PLEKHA7: variants seen among roughly 807,000 people sequenced by gnomAD.
The protein encoded by PLEKHA7 is pleckstrin homology domain containing A7, also known as pleckstrin homology domain-containing family A member 7.
A neutral mutation model predicts 170.0 loss-of-function variants in PLEKHA7; 104 were observed. The ratio of observed to expected loss-of-function variants is 0.61; its 90% CI spans 0.52 to 0.72. PLEKHA7 has a LOEUF of 0.72. PLEKHA7 is among the 30% of genes least tolerant of loss of function. The pLI is 0.00. For missense variants in PLEKHA7, 1,615 were observed against 1,671.7 expected, an observed-to-expected ratio of 0.97 and a Z score of 0.59; for synonymous variants, 648 against 660.8, an observed-to-expected ratio of 0.98 and a Z score of 0.30.
chr11:16,950,942 T>C (rs745799809), intron 3 of PLEKHA7, among the ~76,000 whole-genome samples: 5 of 152,208 alleles, frequency 3.3e-5, no homozygotes, highest in Non-Finnish European at 7.3e-5. Context: ...TTGGCATTCA[T>C]TGCACTGTGT....
At chr11:16,935,644 T>C (rs1860236842) in intron 3 of PLEKHA7, among the ~76,000 whole-genome samples, 1 of 152,208 alleles carries the variant, frequency 6.6e-6, no homozygotes, top group Non-Finnish European at 1.5e-5. Flanking sequence ...GGGCCAAAGA[T>C]AGAACTGAAA....
chr11:16,923,309 TCA>T (rs923174035), intron 3 of PLEKHA7, among the ~76,000 whole-genome samples: 16 of 152,218 alleles, frequency 1.1e-4, no homozygotes, highest in African/African-American at 3.9e-4. Context: ...AATCCTCAAC[TCA>T]CAGAGTACCA....
intron 3 of PLEKHA7, among the ~76,000 whole-genome samples, chr11:16,959,190 T>C (rs1478665205): frequency 6.6e-6 from 1 of 150,956 alleles, no homozygotes; most frequent in African/African-American, 2.4e-5. Context: ...ACCCAGGTAT[T>C]AGGCCCAGGA....
intron 10 of PLEKHA7, among the ~76,000 whole-genome samples, chr11:16,823,066 C>G (rs1850369790): frequency 6.6e-6 from 1 of 152,094 alleles, no homozygotes; most frequent in African/African-American, 2.4e-5. Context: ...ACAATCATAA[C>G]TCATTGCAGC....
intron 3 of PLEKHA7, among the ~76,000 whole-genome samples, chr11:16,906,495 AT>A (rs1215419521): frequency 7.2e-6 from 1 of 139,620 alleles, no homozygotes; most frequent in Non-Finnish European, 1.5e-5. Context: ...TGGTTTTCGT[AT>A]TTTTTTGGTG....
chr11:16,962,141 C>T (rs1169596010), intron 3 of PLEKHA7, among the ~76,000 whole-genome samples: 1 of 152,208 alleles, frequency 6.6e-6, no homozygotes, highest in African/African-American at 2.4e-5. Context: ...GTGGCTTTGG[C>T]AGAAATGACT....
At chr11:16,923,389 T>G (rs914356246) in intron 3 of PLEKHA7, among the ~76,000 whole-genome samples, 5 of 152,162 alleles carry the variant, frequency 3.3e-5, no homozygotes, top group Admixed American at 1.3e-4. Context: ...AGGGGAGGGC[T>G]GCCATGGAGT....
intron 17 of PLEKHA7, among the ~76,000 whole-genome samples, chr11:16,799,972 A>G (rs1273939327): frequency 6.6e-6 from 1 of 152,156 alleles, no homozygotes; most frequent in African/African-American, 2.4e-5. Context: ...CCTACTCCAG[A>G]ATTTCCTTCA....
At chr11:16,800,655 G>A (rs1306657795) in intron 17 of PLEKHA7, among the ~76,000 whole-genome samples, 1 of 152,206 alleles carries the variant, frequency 6.6e-6, no homozygotes, top group Non-Finnish European at 1.5e-5. Flanking sequence ...AAGAACTACA[G>A]GAACATGGAT....
chr11:16,780,963 T>C, intron 26 of PLEKHA7: 1 of 984,906 alleles, frequency 1.0e-6, no homozygotes, highest in Non-Finnish European at 1.2e-6. Flanking sequence ...TAGACAAAGG[T>C]GTAGTGGAGT....
chr11:16,882,625 C>T (rs1463292498), intron 3 of PLEKHA7, among the ~76,000 whole-genome samples: 1 of 152,116 alleles, frequency 6.6e-6, no homozygotes, highest in African/African-American at 2.4e-5. Flanking sequence ...ACAGACACAG[C>T]CTAATTAATC....
At chr11:16,899,217 C>T (rs1316546229) in intron 3 of PLEKHA7, among the ~76,000 whole-genome samples, 1 of 152,196 alleles carries the variant, frequency 6.6e-6, no homozygotes, top group Non-Finnish European at 1.5e-5. Context: ...TTGCATATGG[C>T]TGGGCGCGGT....
At chr11:16,846,648 G>T (rs1024987477) in intron 8 of PLEKHA7, among the ~76,000 whole-genome samples, 5 of 152,264 alleles carry the variant, frequency 3.3e-5, no homozygotes, top group Admixed American at 1.3e-4. Context: ...TGAAGGAGCA[G>T]TCACTTGAGC....
chr11:16,925,495 A>AC (rs1371767196), intron 3 of PLEKHA7, among the ~76,000 whole-genome samples: 4 of 151,794 alleles, frequency 2.6e-5, no homozygotes, highest in Non-Finnish European at 4.4e-5. Flanking sequence ...CAACCCGCAG[A>AC]CCCCCCGAAA....
intron 13 of PLEKHA7, 65 bp downstream of exon 13, chr11:16,813,048 C>G (rs1849487454): frequency 2.1e-6 from 3 of 1,457,260 alleles, no homozygotes; most frequent in East Asian, 4.6e-5. Flanking sequence ...GGGCTTGGCT[C>G]CAGTGAGGTG....
intron 3 of PLEKHA7, among the ~76,000 whole-genome samples, chr11:16,964,043 ATC>A (rs1264112233): frequency 6.6e-6 from 1 of 152,174 alleles, no homozygotes; most frequent in Non-Finnish European, 1.5e-5. Context: ...TATTCTAGGT[ATC>A]TCATAAAAGT....
At chr11:16,926,376 G>A (rs1352730379) in intron 3 of PLEKHA7, among the ~76,000 whole-genome samples, 5 of 152,148 alleles carry the variant, frequency 3.3e-5, no homozygotes, top group Non-Finnish European at 7.4e-5. Flanking sequence ...GCACCTCTCA[G>A]CAGCCCACAC....
intron 20 of PLEKHA7, 25 bp from the exon 21 acceptor site, chr11:16,790,940 T>C: frequency 1.2e-6 from 2 of 1,613,808 alleles, no homozygotes; most frequent in Non-Finnish European, 1.7e-6. Context: ...CCAGGTGATG[T>C]GACCTGCCAG....
At chr11:16,918,279 G>C (rs1344371385) in intron 3 of PLEKHA7, among the ~76,000 whole-genome samples, 2 of 152,144 alleles carry the variant, frequency 1.3e-5, no homozygotes, top group Non-Finnish European at 2.9e-5. Context: ...CCTTAAATTA[G>C]CAGGCTACAG....
Sources: gnomAD v4.1 joint callset for allele counts (sites outside exome capture counted in the v4.1 genomes callset) on GRCh38, gnomAD v4.1.1 for gene constraint, MANE v1.5 for transcripts, NCBI Gene and HGNC (gene_info 2026-07-23, HGNC 2026-07-21) for gene names.